The following NPNT variants were observed in gnomAD, a reference collection of about 807,000 sequenced individuals.
NPNT encodes preosteoblast EGF-like repeat protein with MAM domain.
In NPNT, 45 loss-of-function variants were observed where a neutral mutation model predicts 68.6. The observed-to-expected ratio is 0.66, with a 90% CI of 0.52 to 0.84. The LOEUF is 0.84. NPNT is among the 40% of genes least tolerant of loss of function. The pLI, the probability that NPNT is intolerant of heterozygous loss-of-function variation, is 0.00. For synonymous variants in NPNT, 233 were observed against 253.3 expected (o/e 0.92, Z 0.76); for missense variants, 672 against 714.8 (o/e 0.94, Z 0.68).
intron 8 of NPNT, among the ~76,000 whole-genome samples, chr4:105,954,268 G>A (rs1287417825): frequency 1.3e-5 from 2 of 152,134 alleles, no homozygotes; most frequent in Non-Finnish European, 2.9e-5. Flanking sequence ...TTCAGTACCT[G>A]TACATTCCCT....
Position 105,954,666 on chromosome 4 carries a change from C to G in NPNT, c.1160-3805C>G, listed in dbSNP as rs556567549. ...CTGCACCTTCTTGCTGCCTCCCTCC[C>G]CCTGTAAGGTCTACAGCAATTCTGA... On this transcript the variant is annotated intron_variant, in intron 8 of 11. Transcript: ENST00000379987. 2.6e-5 allele frequency among the ~76,000 whole-genome samples: 4 copies of G among 152,310 alleles called. No homozygotes were observed. The East Asian group carries it at 7.7e-4, about 29-fold the overall frequency.
chr4:105,905,256 A>G (rs1335876738), intron 2 of NPNT, among the ~76,000 whole-genome samples: 1 of 152,224 alleles, frequency 6.6e-6, no homozygotes. Flanking sequence ...TCTAATAGTT[A>G]TTCTAATCCT....
In NPNT at chr4:105,969,863, T is replaced by C. The variant is rs968715176; in HGVS notation, c.*873T>C. On this transcript the variant is annotated 3_prime_UTR_variant, in exon 12 of 12. Transcript: ENST00000379987. ...CCTTGAGTTTGATCTCTGCAAAGGA[T>C]AGGAAACCTTTAGGAAGACAAGAAA... The C allele has an allele frequency of 6.5e-6, 1 of 153,140 alleles. No homozygotes were observed. The highest frequency in any genetic ancestry group is 2.4e-5 in the African/African-American group (1 of 41,440). The allele number at this position is 153,140 out of a possible 1,614,324, so 9.5% of individuals were successfully genotyped here.
intron 2 of NPNT, chr4:105,912,641 G>A (rs1378457405): frequency 2.6e-6 from 2 of 771,136 alleles, no homozygotes; most frequent in Non-Finnish European, 3.2e-6. Flanking sequence ...ATTCTCCATG[G>A]AACAATTCAG....
intron 2 of NPNT, among the ~76,000 whole-genome samples, chr4:105,908,073 G>A (rs1281829685): frequency 1.3e-5 from 2 of 152,026 alleles, no homozygotes; most frequent in East Asian, 3.8e-4. Flanking sequence ...ACTCTGATGG[G>A]AGGAAACAGA....
intron 5 of NPNT, among the ~76,000 whole-genome samples, chr4:105,939,324 G>A (rs1056102282): frequency 6.6e-6 from 1 of 152,186 alleles, no homozygotes; most frequent in African/African-American, 2.4e-5. Context: ...AGACATTGCA[G>A]GGCACTGCGG....
intron 2 of NPNT, 183 bp downstream of exon 2, chr4:105,898,184 G>A (rs1032575750): frequency 4.7e-6 from 2 of 421,616 alleles, no homozygotes; most frequent in African/African-American, 2.1e-5. Context: ...TTAGCCACCT[G>A]TATTACGGCC....
intron 8 of NPNT, among the ~76,000 whole-genome samples, chr4:105,948,354 C>T (rs766817530): frequency 3.9e-5 from 6 of 152,190 alleles, no homozygotes; most frequent in African/African-American, 7.2e-5. Context: ...TTATGAGGTA[C>T]ATGACTTTGG....
Position 105,940,637 on chromosome 4 carries a change from G to A in NPNT, c.763+1G>A. Reference sequence around the variant, plus strand: ...CAGGGTGATGGACTGACTTGTGTGTGTGAGTAGCACTTGTCTCTCAGCTTT... The same window carrying A: ...CAGGGTGATGGACTGACTTGTGTGTATGAGTAGCACTTGTCTCTCAGCTTT... On this transcript the variant is annotated splice_donor_variant, in intron 7 of 11. Transcript: ENST00000379987. LOFTEE classifies it high-confidence loss of function. The A allele has an allele frequency of 5.6e-6, 9 of 1,612,720 alleles. No individual in the cohort carries two copies. The highest frequency in any genetic ancestry group is 7.6e-6 in the Non-Finnish European group (9 of 1,179,046).
chr4:105,968,946 G>T lies in NPNT; in HGVS notation c.1654G>T (p.Asp552Tyr). 6.2e-7 allele frequency: 1 copy of T among 1,613,448 alleles called. No individual in the cohort carries two copies. Among genetic ancestry groups the T allele is most frequent in the Non-Finnish European group, 8.5e-7 (1 of 1,179,464 alleles). Residue 552 changes from aspartate (D) to tyrosine (Y), a missense_variant, in exon 12 of 12, where the codon GAT becomes TAT. Coordinates refer to ENST00000379987, the MANE Select transcript of NPNT (RefSeq NM_001033047.3). ...RRGHTGEIGLDDVSLKKGHCS... is the reference protein window; with the variant it reads ...RRGHTGEIGLYDVSLKKGHCS... Reference sequence around the variant, plus strand: ...TGGTCACACTGGGGAGATTGGATTAGATGATGTGAGCTTGAAAAAAGGCCA... The same window carrying T: ...TGGTCACACTGGGGAGATTGGATTATATGATGTGAGCTTGAAAAAAGGCCA...
At chr4:105,910,771 T>C (rs1396976858) in intron 2 of NPNT, among the ~76,000 whole-genome samples, 1 of 152,166 alleles carries the variant, frequency 6.6e-6, no homozygotes, top group South Asian at 2.1e-4. Context: ...ACTAGATCTA[T>C]GTATTTCAAG....
intron 8 of NPNT, among the ~76,000 whole-genome samples, chr4:105,944,853 A>G (rs908597728): frequency 5.9e-5 from 9 of 152,244 alleles, no homozygotes; most frequent in Non-Finnish European, 1.2e-4. Context: ...CATATATTCT[A>G]AATAAGGCAA....
intron 8 of NPNT, among the ~76,000 whole-genome samples, chr4:105,957,530 A>C (rs930560811): frequency 6.6e-6 from 1 of 152,222 alleles, no homozygotes; most frequent in Non-Finnish European, 1.5e-5. Flanking sequence ...GGATCTTTGC[A>C]TTCACTTAGT....
rs903086696 is a variant in NPNT at position 105,951,500 on chromosome 4, C to A, written c.1160-6971C>A. On this transcript the variant is annotated intron_variant, in intron 8 of 11. Coordinates refer to ENST00000379987, the MANE Select transcript of NPNT (RefSeq NM_001033047.3). ...TAGTCATGGAAATATTATGGTCTTTCTGATTCTGTGTAGTGATAAGTAAAA... is the reference window on the plus strand; with the variant it reads ...TAGTCATGGAAATATTATGGTCTTTATGATTCTGTGTAGTGATAAGTAAAA... Among the ~76,000 whole-genome samples, 7 of 152,136 alleles carry A rather than the reference C, an allele frequency of 4.6e-5. No individual in the cohort carries two copies. In the East Asian group the frequency reaches 1.4e-3, roughly 29 times the overall value.
intron 5 of NPNT, among the ~76,000 whole-genome samples, chr4:105,938,727 G>A (rs765469188): frequency 2.8e-4 from 42 of 152,152 alleles, no homozygotes; most frequent in Admixed American, 1.2e-3. Flanking sequence ...GAATGTAAGC[G>A]GCAAGGGTGA....
intron 8 of NPNT, among the ~76,000 whole-genome samples, chr4:105,953,740 G>GTACCAT (rs1467139613): frequency 6.6e-6 from 1 of 152,172 alleles, no homozygotes; most frequent in Non-Finnish European, 1.5e-5. Flanking sequence ...AATTACATAT[G>GTACCAT]TACCATTCTC....
chr4:105,899,538 C>A (rs1726227819), intron 2 of NPNT, among the ~76,000 whole-genome samples: 1 of 152,164 alleles, frequency 6.6e-6, no homozygotes, highest in Non-Finnish European at 1.5e-5. Flanking sequence ...ACTGGAGTTA[C>A]CACCATCTCC....
intron 2 of NPNT, among the ~76,000 whole-genome samples, chr4:105,916,526 A>C (rs1364040535): frequency 9.9e-5 from 15 of 152,064 alleles, no homozygotes; most frequent in Non-Finnish European, 2.2e-4. Context: ...CCAGCCAAGC[A>C]CATTTATTTT....
chr4:105,962,440 T>C (rs1481475640), intron 10 of NPNT, among the ~76,000 whole-genome samples: 1 of 151,900 alleles, frequency 6.6e-6, no homozygotes, highest in Non-Finnish European at 1.5e-5. Context: ...TACAGGGAGA[T>C]TCATTTTGGC....
Sources: gnomAD v4.1 joint callset for allele counts (sites outside exome capture counted in the v4.1 genomes callset) on GRCh38, gnomAD v4.1.1 for gene constraint, MANE v1.5 for transcripts, NCBI Gene and HGNC (gene_info 2026-07-23, HGNC 2026-07-21) for gene names.